USP35: variants seen among roughly 807,000 people sequenced by gnomAD.
USP35 encodes ubiquitin specific peptidase 35, also known as ubiquitin carboxyl-terminal hydrolase 35.
A neutral mutation model predicts 83.8 loss-of-function variants in USP35; 69 were observed. That is an observed-to-expected ratio of 0.82 (90% CI 0.68 to 1.01). The LOEUF is 1.01. Among genes scored for constraint, USP35 ranks in the 50% least tolerant of loss-of-function variants. The pLI is 0.00. For synonymous variants in USP35, 714 were observed against 589.5 expected, an observed-to-expected ratio of 1.21 and a Z score of -3.06; for missense variants, 1,503 against 1,362.5, an observed-to-expected ratio of 1.10 and a Z score of -1.62.
chr11:78,216,233 G>A (rs1381006743), downstream of USP35: 2 of 152,412 alleles, frequency 1.3e-5, no homozygotes, highest in Non-Finnish European at 2.9e-5. Context: ...TAACCTTGCA[G>A]AAGTGGAGCT....
chr11:78,220,344 G>T, the USP35 span: 2 of 1,612,688 alleles, frequency 1.2e-6, no homozygotes, highest in African/African-American at 2.7e-5. Flanking sequence ...TGGGGAGCTC[G>T]GCTGGAAGTC....
intron 10 of USP35, 44 bp from the exon 11 acceptor site, chr11:78,213,602 G>A (rs548645427): frequency 7.0e-7 from 1 of 1,437,254 alleles, no homozygotes; most frequent in East Asian, 2.8e-5. Context: ...CTGGCTTCAG[G>A]GTGTGAATTC....
the USP35 span, among the ~76,000 whole-genome samples, chr11:78,222,504 A>G: frequency 6.7e-6 from 1 of 148,856 alleles, no homozygotes; most frequent in Non-Finnish European, 1.5e-5. Context: ...TCATTTAAAA[A>G]TAAAAGACTA....
chr11:78,188,928 G>T lies in USP35; in HGVS notation c.-240G>T. 1 of 985,710 alleles carries T rather than the reference G, an allele frequency of 1.0e-6. No individual in the cohort carries two copies. The highest frequency in any genetic ancestry group is 1.2e-6 in the Non-Finnish European group (1 of 830,138). The allele number at this position is 985,710 out of a possible 1,614,324, so 61.1% of individuals were successfully genotyped here. ...CCATGCTTCATCCCGCAGCCCCGGG[G>T]CCGCGCCGCAGAGTCGGGCTTCCTG... On this transcript the variant is annotated 5_prime_UTR_variant, in exon 1 of 11. Transcript: ENST00000529308.
intron 5 of USP35, 77 bp downstream of exon 5, chr11:78,200,311 G>GT: frequency 6.6e-7 from 1 of 1,521,978 alleles, no homozygotes; most frequent in South Asian, 1.1e-5. Context: ...ACTGCCCCTG[G>GT]TAAGGGCCCT....
chr11:78,226,620 G>GGGGGGCCCCCC, the USP35 span: 1 of 1,500,584 alleles, frequency 6.7e-7, no homozygotes, highest in Non-Finnish European at 9.3e-7. Context: ...GCGGGGTGGG[G>GGGGGGCCCCCC]GAGCTATGGC....
At chr11:78,211,641 C>T (rs1356132822) in intron 10 of USP35, among the ~76,000 whole-genome samples, 4 of 152,212 alleles carry the variant, frequency 2.6e-5, no homozygotes, top group Non-Finnish European at 5.9e-5. Flanking sequence ...TTAATAATCA[C>T]CATTCTGGCT....
At chr11:78,200,414 G>T (rs1405147189) in intron 5 of USP35, among the ~76,000 whole-genome samples, 180 bp downstream of exon 5, 6 of 152,234 alleles carry the variant, frequency 3.9e-5, no homozygotes, top group African/African-American at 1.4e-4. Flanking sequence ...GTGAGGAGAG[G>T]AGTAGTCATC....
chr11:78,201,816 AGCTG>A (rs1240794704), intron 6 of USP35, among the ~76,000 whole-genome samples: 3 of 149,482 alleles, frequency 2.0e-5, no homozygotes, highest in African/African-American at 7.5e-5. Flanking sequence ...TGAGACATGT[AGCTG>A]GAGTCTGGAT....
At chr11:78,226,826 G>A in the USP35 span, 7 of 1,614,046 alleles carry the variant, frequency 4.3e-6, no homozygotes, top group South Asian at 6.6e-5. Context: ...CGGAGCCTGT[G>A]AGGCTGCCCT....
In USP35 at chr11:78,215,017, A is replaced by C. The variant is rs1864047147; in HGVS notation, c.*1204A>C. The stretch of plus-strand genomic sequence containing the variant: ...GATGGTGGTGTGGAGTTTGGGCCCA[A>C]TGTCACAGACCCTCAAGATGTCACA... On this transcript the variant is annotated 3_prime_UTR_variant, in exon 11 of 11. Coordinates refer to ENST00000529308, the MANE Select transcript of USP35 (RefSeq NM_020798.4). Among the ~76,000 whole-genome samples the C allele has an allele frequency of 6.6e-6, 1 of 152,086 alleles. No individual in the cohort carries two copies. Among genetic ancestry groups the C allele is most frequent in the African/African-American group, 2.4e-5 (1 of 41,410 alleles).
the USP35 span, chr11:78,220,407 G>A: frequency 3.0e-5 from 48 of 1,595,742 alleles, no homozygotes; most frequent in Admixed American, 5.1e-5. Flanking sequence ...AGGACTGTTC[G>A]TGCCACTGGG....
At chr11:78,225,057 CT>C in the USP35 span, 1 of 1,185,264 alleles carries the variant, frequency 8.4e-7, no homozygotes, top group Admixed American at 1.8e-5. Flanking sequence ...AAGGTGTGAC[CT>C]TTTACCTAAC....
At position 78,213,564 on chromosome 11, in the gene USP35, G is replaced by A. The variant is rs1041731061; in HGVS notation, c.2890-82G>A. ...GCCCTGGGGACCTAGAGGAAACATT[G>A]AAAGGTGTTGTGCTGGGTAGACTCA... On this transcript the variant is annotated intron_variant, in intron 10 of 10. Transcript: ENST00000529308. 39 of 1,389,006 alleles carry A rather than the reference G, an allele frequency of 2.8e-5. No individual in the cohort carries two copies. The Admixed American group carries it at 9.7e-4, about 34-fold the overall frequency. The allele number at this position is 1,389,006 out of a possible 1,614,324, so 86.0% of individuals were successfully genotyped here.
rs1165356158 is a variant in USP35, at chr11:78,214,479, C to G, written c.*666C>G. ...GCCTGAGAAGCCACCACTTGTATCCCCCTTGTGGTTAGAGTCCTGATTTTA... is the reference window on the plus strand; with the variant it reads ...GCCTGAGAAGCCACCACTTGTATCCGCCTTGTGGTTAGAGTCCTGATTTTA... On this transcript the variant is annotated 3_prime_UTR_variant, in exon 11 of 11. Transcript: ENST00000529308. 1 of 147,474 alleles carries G rather than the reference C, an allele frequency of 6.8e-6. No homozygotes were observed. Among genetic ancestry groups the G allele is most frequent in the East Asian group, 2.1e-4 (1 of 4,780 alleles). 9.1% of individuals were successfully genotyped at this position (147,474 alleles called of 1,614,324 possible).
chr11:78,219,257 G>A, downstream of USP35: 1 of 1,611,808 alleles, frequency 6.2e-7, no homozygotes, highest in Non-Finnish European at 8.5e-7. Context: ...CCTGGGCTCT[G>A]CGGTGGCCCT....
chr11:78,235,535 T>C, the USP35 span, among the ~76,000 whole-genome samples: 1 of 152,204 alleles, frequency 6.6e-6, no homozygotes, highest in African/African-American at 2.4e-5. Flanking sequence ...TTGAATGCCT[T>C]TAACGATACC....
At position 78,214,109 on chromosome 11, in the gene USP35, G is replaced by T. The variant is rs1237915794; in HGVS notation, c.*296G>T. On this transcript the variant is annotated 3_prime_UTR_variant, in exon 11 of 11. Transcript: ENST00000529308. ...CCTCCTTCCCTAGCAGGCTCCCCATGCGGGAAGATCTGATGATGTTCAGGA... is the reference window on the plus strand; with the variant it reads ...CCTCCTTCCCTAGCAGGCTCCCCATTCGGGAAGATCTGATGATGTTCAGGA... 9.5e-6 allele frequency: 3 copies of T among 315,760 alleles called. No homozygotes were observed. Among genetic ancestry groups the T allele is most frequent in the Non-Finnish European group, 1.2e-5 (2 of 173,312 alleles). 19.6% of individuals were successfully genotyped at this position (315,760 alleles called of 1,614,324 possible). A position where few individuals can be genotyped will look rare whatever the true frequency, so the allele number is the denominator to read the frequency against.
Position 78,196,417 on chromosome 11 carries a change from C to T in USP35, c.172C>T (p.Arg58Cys). Reference protein sequence around the residue: ...LYVGGAEELPRRVGCQLLHVA... With the variant: ...LYVGGAEELPCRVGCQLLHVA... ...CGTGGGCGGCGCGGAGGAGCTGCCG[C>T]GCCGCGTGGGCTGCCAGCTGCTGCA... The change falls in exon 2 of 11, where the codon CGC becomes TGC. Residue 58 changes from arginine to cysteine, a missense_variant. By Grantham distance (180) the Arg-to-Cys change is radical (BLOSUM62 -3). Coordinates refer to ENST00000529308, the MANE Select transcript of USP35 (RefSeq NM_020798.4). The surrounding 1 kb of genome is among the most constrained non-coding windows in gnomAD (Gnocchi z 4.8). The T allele has an allele frequency of 6.9e-6, 9 of 1,300,570 alleles. No individual in the cohort carries two copies. The highest frequency in any genetic ancestry group is 8.8e-6 in the Non-Finnish European group (9 of 1,028,140). 80.6% of individuals were successfully genotyped at this position (1,300,570 alleles called of 1,614,324 possible).
Sources: gnomAD v4.1 joint callset for allele counts (sites outside exome capture counted in the v4.1 genomes callset) on GRCh38, gnomAD v4.1.1 for gene constraint, Gnocchi (gnomAD v3.1) non-coding constraint, MANE v1.5 for transcripts, NCBI Gene and HGNC (gene_info 2026-07-23, HGNC 2026-07-21) for gene names.